TENM2: variants seen among roughly 807,000 people sequenced by gnomAD.
TENM2 encodes the protein teneurin transmembrane protein 2, also known as teneurin-2.
In TENM2, 52 loss-of-function variants were observed where a neutral mutation model predicts 245.2. That is an observed-to-expected ratio of 0.21 (90% CI 0.17 to 0.27). The LOEUF is 0.27. Among genes scored for constraint, TENM2 ranks in the 10% least tolerant of loss-of-function variants. The pLI is 1.00. For synonymous variants in TENM2, 1,363 were observed against 1,438.9 expected (o/e 0.95, Z 1.19); for missense variants, 3,046 against 3,666.8 (o/e 0.83, Z 4.37).
At chr5:167,436,908 T>C (rs1168404243) in intron 2 of TENM2, among the ~76,000 whole-genome samples, 1 of 152,140 alleles carries the variant, frequency 6.6e-6, no homozygotes, top group African/African-American at 2.4e-5. Context: ...AGAAGATGTA[T>C]GGAAATGCCT....
intron 5 of TENM2, among the ~76,000 whole-genome samples, chr5:168,028,815 A>G (rs1290597496): frequency 6.6e-6 from 1 of 151,826 alleles, no homozygotes; most frequent in Non-Finnish European, 1.5e-5. Flanking sequence ...AAAAAAAAAA[A>G]AAATGGGCTT....
At chr5:167,763,404 T>C (rs1762803682) in intron 2 of TENM2, among the ~76,000 whole-genome samples, 1 of 152,072 alleles carries the variant, frequency 6.6e-6, no homozygotes, top group Non-Finnish European at 1.5e-5. Context: ...AGCCTCAAGC[T>C]CCCAAGCAAT....
the TENM2 span, among the ~76,000 whole-genome samples, chr5:166,987,405 C>A: frequency 7.1e-6 from 1 of 141,804 alleles, no homozygotes; most frequent in African/African-American, 2.6e-5. Flanking sequence ...ATTTTAATCA[C>A]AGAAGTTTAG....
the TENM2 span, among the ~76,000 whole-genome samples, chr5:166,991,328 C>A: frequency 6.6e-6 from 1 of 151,524 alleles, no homozygotes; most frequent in Admixed American, 6.6e-5. Flanking sequence ...AGAACATATA[C>A]CAGTACATCA....
chr5:167,688,288 T>C (rs1757208826), intron 2 of TENM2, among the ~76,000 whole-genome samples: 1 of 152,206 alleles, frequency 6.6e-6, no homozygotes, highest in Non-Finnish European at 1.5e-5. Context: ...TTTCTCTTAC[T>C]GTATTGTGAA....
At chr5:167,654,042 A>T (rs1754663454) in intron 2 of TENM2, 1 of 152,136 alleles carries the variant, frequency 6.6e-6, no homozygotes, top group African/African-American at 2.4e-5. Context: ...TTTTTTTCTT[A>T]CATCAGTCTG....
chr5:167,536,089 G>A (rs1184345032), intron 2 of TENM2, among the ~76,000 whole-genome samples: 1 of 152,088 alleles, frequency 6.6e-6, no homozygotes, highest in Admixed American at 6.5e-5. Flanking sequence ...GTGAATCCTG[G>A]CAAGTAGTTG....
intron 3 of TENM2, among the ~76,000 whole-genome samples, chr5:167,877,212 G>A (rs1255338385): frequency 6.6e-6 from 1 of 152,112 alleles, no homozygotes; most frequent in Non-Finnish European, 1.5e-5. Flanking sequence ...ATGCGATTGT[G>A]TTTAGGCTCC....
intron 1 of TENM2, among the ~76,000 whole-genome samples, chr5:167,360,209 C>A (rs1455760558): frequency 1.3e-5 from 2 of 152,134 alleles, no homozygotes; most frequent in Non-Finnish European, 2.9e-5. Flanking sequence ...TATCCAAGTA[C>A]TTACTGTAGA....
At chr5:167,110,415 A>T in the TENM2 span, among the ~76,000 whole-genome samples, 2 of 152,304 alleles carry the variant, frequency 1.3e-5, no homozygotes, top group Middle Eastern at 6.8e-3. Flanking sequence ...ATTCAAAGTC[A>T]TCCTATCTTG....
intron 2 of TENM2, among the ~76,000 whole-genome samples, chr5:167,491,835 C>A (rs1440481106): frequency 6.6e-6 from 1 of 152,074 alleles, no homozygotes; most frequent in Middle Eastern, 3.2e-3. Context: ...CTAAAAAATA[C>A]CAACAGGTCA....
At chr5:167,011,706 A>G in the TENM2 span, among the ~76,000 whole-genome samples, 1 of 152,212 alleles carries the variant, frequency 6.6e-6, no homozygotes, top group Non-Finnish European at 1.5e-5. Context: ...AGGGAGGTAG[A>G]GGCTTTGTCC....
chr5:168,040,280 G>A (rs928057985), intron 5 of TENM2, among the ~76,000 whole-genome samples: 15 of 152,158 alleles, frequency 9.9e-5, no homozygotes, highest in African/African-American at 3.6e-4. Flanking sequence ...GTGAATGCAG[G>A]TGAGTTTCTC....
the TENM2 span, among the ~76,000 whole-genome samples, chr5:167,036,412 T>A: frequency 6.6e-6 from 1 of 152,222 alleles, no homozygotes; most frequent in South Asian, 2.1e-4. Context: ...AATAATTGTT[T>A]CACATTTCCA....
At chr5:167,452,963 T>TAAA in intron 2 of TENM2, among the ~76,000 whole-genome samples, 1 of 14,098 alleles carries the variant, frequency 7.1e-5, no homozygotes, top group African/African-American at 2.2e-4. Context: ...ATATATATAT[T>TAAA]TAAAAAAAAA....
chr5:167,143,893 A>G, the TENM2 span, among the ~76,000 whole-genome samples: 1 of 151,960 alleles, frequency 6.6e-6, no homozygotes, highest in Admixed American at 6.6e-5. Flanking sequence ...GTTGACTGGC[A>G]CTTTTACCAA....
intron 25 of TENM2, among the ~76,000 whole-genome samples, chr5:168,238,177 G>T (rs1193682121): frequency 1.4e-5 from 1 of 73,214 alleles, no homozygotes; most frequent in African/African-American, 1.0e-4. Flanking sequence ...GAGAGAGAGA[G>T]AGAGAGAGGG....
At chr5:167,761,960 A>T (rs989341765) in intron 2 of TENM2, among the ~76,000 whole-genome samples, 1 of 152,210 alleles carries the variant, frequency 6.6e-6, no homozygotes, top group Non-Finnish European at 1.5e-5. Context: ...ATAAGCTTCA[A>T]CCAACGAGCT....
At chr5:167,545,251 A>G (rs1394900837) in intron 2 of TENM2, among the ~76,000 whole-genome samples, 2 of 152,182 alleles carry the variant, frequency 1.3e-5, no homozygotes, top group Non-Finnish European at 2.9e-5. Flanking sequence ...GAGGTGACAT[A>G]TGTAACACTA....
Sources: allele counts gnomAD v4.1 joint callset (sites outside exome capture counted in the v4.1 genomes callset), GRCh38; gene constraint gnomAD v4.1.1; transcripts MANE v1.5; gene names NCBI Gene and HGNC (gene_info 2026-07-23, HGNC 2026-07-21).